Variants in BTF3L4 observed in about 807,000 individuals in gnomAD.
BTF3L4 encodes the protein transcription factor BTF3 homolog 4.
A neutral mutation model predicts 16.8 loss-of-function variants in BTF3L4; 6 were observed. The ratio of observed to expected loss-of-function variants is 0.36; its 90% CI spans 0.20 to 0.71. The LOEUF (loss-of-function observed/expected upper bound fraction) is 0.71. Ranked by LOEUF, BTF3L4 falls within the 30% of genes least tolerant of loss-of-function variation. The probability of loss-of-function intolerance (pLI) is 0.58; values close to 1 mark genes in which losing one functional copy is unlikely to be tolerated. For synonymous variants in BTF3L4, 39 were observed against 59.8 expected, an observed-to-expected ratio of 0.65 and a Z score of 1.60; for missense variants, 92 against 186.9, an observed-to-expected ratio of 0.49 and a Z score of 2.96.
chr1:52,059,747 C>T, intron 1 of BTF3L4, 88 bp from the exon 2 acceptor site: 1 of 1,079,690 alleles, frequency 9.3e-7, no homozygotes, highest in South Asian at 1.4e-5. Flanking sequence ...ATACTACAAG[C>T]TCAGTGAACC....
rs778924068 is a variant in BTF3L4, at chr1:52,083,554, A to G, written c.370+13A>G. 49 of 1,604,588 alleles carry G rather than the reference A, an allele frequency of 3.1e-5. No homozygotes were observed. Among genetic ancestry groups the G allele is most frequent in the African/African-American group, 8.0e-5 (6 of 74,708 alleles). ...TTCCCACGGCAAGGTAGGTATTTCA[A>G]TTTAGTAAATCTTTCTCTCCCCACC... On this transcript the variant is annotated intron_variant, in intron 4 of 5. Transcript: ENST00000313334.
chr1:52,076,336 G>T (rs1474968648), intron 3 of BTF3L4, among the ~76,000 whole-genome samples: 2 of 151,594 alleles, frequency 1.3e-5, no homozygotes, highest in East Asian at 3.9e-4. Flanking sequence ...AGCACTTTGG[G>T]AGGCTGAGGC....
chr1:52,072,497 C>T (rs950044057), intron 3 of BTF3L4, among the ~76,000 whole-genome samples: 3 of 152,128 alleles, frequency 2.0e-5, no homozygotes, highest in African/African-American at 7.2e-5. Context: ...TCTACCCCAG[C>T]CCTTGGTAAC....
Position 52,086,791 on chromosome 1 carries a change from A to G in BTF3L4, c.*33A>G. On this transcript the variant is annotated 3_prime_UTR_variant, in exon 6 of 6. Coordinates refer to ENST00000313334, the MANE Select transcript of BTF3L4 (RefSeq NM_152265.5). Reference sequence around the variant, plus strand: ...GTTTTTGGAAGCTGGCATGGACTAGATTTAACAAATCAGCTATGTGGTTCC... The same window carrying G: ...GTTTTTGGAAGCTGGCATGGACTAGGTTTAACAAATCAGCTATGTGGTTCC... The G allele has an allele frequency of 6.7e-7, 1 of 1,502,822 alleles. No homozygotes were observed. The highest frequency in any genetic ancestry group is 9.1e-7 in the Non-Finnish European group (1 of 1,097,014). 93.1% of individuals were successfully genotyped at this position (1,502,822 alleles called of 1,614,324 possible).
chr1:52,084,685 A>T (rs1413254199), intron 4 of BTF3L4, among the ~76,000 whole-genome samples: 1 of 151,926 alleles, frequency 6.6e-6, no homozygotes, highest in Non-Finnish European at 1.5e-5. Context: ...ATAGCTACTC[A>T]GGAGGCTGAT....
intron 3 of BTF3L4, among the ~76,000 whole-genome samples, chr1:52,076,183 G>A (rs1167229308): frequency 6.6e-6 from 1 of 152,122 alleles, no homozygotes; most frequent in African/African-American, 2.4e-5. Context: ...GGCTGAGGTG[G>A]GAGAATTGCT....
At chr1:52,083,278 A>G (rs1643941413) in intron 3 of BTF3L4, 62 bp from the exon 4 acceptor site, 2 of 1,426,548 alleles carry the variant, frequency 1.4e-6, no homozygotes, top group Non-Finnish European at 2.0e-6. Context: ...ATTGCTTTTT[A>G]AAAATATATT....
intron 3 of BTF3L4, among the ~76,000 whole-genome samples, chr1:52,075,275 C>T (rs896493155): frequency 4.0e-5 from 6 of 151,020 alleles, no homozygotes; most frequent in East Asian, 1.9e-4. Context: ...CTCTCTGGGC[C>T]GGGCGCGGTG....
At chr1:52,066,146 A>G (rs1686641991) in intron 3 of BTF3L4, among the ~76,000 whole-genome samples, 1 of 152,122 alleles carries the variant, frequency 6.6e-6, no homozygotes, top group Non-Finnish European at 1.5e-5. Context: ...AATAACAACA[A>G]CTACTTGTGA....
At chr1:52,082,674 G>A (rs1643935269) in intron 3 of BTF3L4, among the ~76,000 whole-genome samples, 1 of 151,634 alleles carries the variant, frequency 6.6e-6, no homozygotes, top group South Asian at 2.1e-4. Flanking sequence ...GGGAGGCAGA[G>A]GCTGCAGTGA....
chr1:52,073,642 C>G (rs1262102244), intron 3 of BTF3L4, among the ~76,000 whole-genome samples: 1 of 125,728 alleles, frequency 8.0e-6, no homozygotes, highest in African/African-American at 3.1e-5. Context: ...TGCTTGAGGC[C>G]AGGAGTTTGA....
intron 3 of BTF3L4, among the ~76,000 whole-genome samples, chr1:52,080,519 G>GTTTT (rs753783341): frequency 1.4e-5 from 1 of 70,244 alleles, no homozygotes; most frequent in African/African-American, 6.4e-5. Flanking sequence ...GGTTTTTTGG[G>GTTTT]TTTTTTTTTT....
chr1:52,070,580 A>G (rs1387037950), intron 3 of BTF3L4, among the ~76,000 whole-genome samples: 1 of 149,728 alleles, frequency 6.7e-6, no homozygotes, highest in African/African-American at 2.4e-5. Flanking sequence ...AACAAAACTA[A>G]GGGATGAGGG....
intron 1 of BTF3L4, among the ~76,000 whole-genome samples, chr1:52,058,682 A>G (rs989728792): frequency 2.0e-5 from 3 of 151,732 alleles, no homozygotes; most frequent in Non-Finnish European, 2.9e-5. Flanking sequence ...GCTCACCGCA[A>G]CCTCCGCCTC....
intron 2 of BTF3L4, among the ~76,000 whole-genome samples, chr1:52,063,050 C>G (rs1278458968): frequency 1.3e-5 from 2 of 152,156 alleles, no homozygotes; most frequent in Non-Finnish European, 2.9e-5. Flanking sequence ...CTGCCGTGTT[C>G]CTAACAGGTC....
At chr1:52,086,421 A>C in intron 5 of BTF3L4, 1 of 487,620 alleles carries the variant, frequency 2.1e-6, no homozygotes, top group Non-Finnish European at 3.6e-6. Flanking sequence ...AAATTTGCAT[A>C]GCTATTGTTA....
Position 52,090,219 on chromosome 1 carries a change from G to T in BTF3L4, c.*3461G>T, listed in dbSNP as rs1021090075. ...TAATGCAATGATGGCCTTGCTCTCTGAGCCTCAGTTTTATCTATAAAATGG... is the reference window on the plus strand; with the variant it reads ...TAATGCAATGATGGCCTTGCTCTCTTAGCCTCAGTTTTATCTATAAAATGG... On this transcript the variant is annotated 3_prime_UTR_variant, in exon 6 of 6. Coordinates refer to ENST00000313334, the MANE Select transcript of BTF3L4 (RefSeq NM_152265.5). 2.0e-5 allele frequency: 3 copies of T among 152,160 alleles called. No individual in the cohort carries two copies. Among genetic ancestry groups the T allele is most frequent in the African/African-American group, 4.8e-5 (2 of 41,450 alleles). The allele number at this position is 152,160 out of a possible 1,614,324, so 9.4% of individuals were successfully genotyped here.
intron 3 of BTF3L4, among the ~76,000 whole-genome samples, chr1:52,075,602 ATTAT>A (rs1686911918): frequency 6.8e-6 from 1 of 147,430 alleles, no homozygotes; most frequent in East Asian, 2.0e-4. Context: ...AATTATAGTA[ATTAT>A]ATATTATATG....
chr1:52,062,286 C>G (rs1335054807), intron 2 of BTF3L4, among the ~76,000 whole-genome samples: 1 of 150,188 alleles, frequency 6.7e-6, no homozygotes, highest in Non-Finnish European at 1.5e-5. Flanking sequence ...ACTGCAACCT[C>G]CACCTCCTGG....
Sources: gnomAD v4.1 joint callset for allele counts (sites outside exome capture counted in the v4.1 genomes callset) on GRCh38, gnomAD v4.1.1 for gene constraint, MANE v1.5 for transcripts, NCBI Gene and HGNC (gene_info 2026-07-23, HGNC 2026-07-21) for gene names.